The following SPOCD1 variants were observed in gnomAD, a reference collection of about 807,000 sequenced individuals.
The protein encoded by SPOCD1 is SPOC domain containing 1.
In SPOCD1, 64 loss-of-function variants were observed where a neutral mutation model predicts 92.2. That is an observed-to-expected ratio of 0.69 (90% confidence interval 0.57 to 0.86). The LOEUF is 0.86. Among genes scored for constraint, SPOCD1 ranks in the 40% least tolerant of loss-of-function variants. The pLI is 0.00. For missense variants in SPOCD1, 1,360 were observed against 1,543.1 expected, an observed-to-expected ratio of 0.88 and a Z score of 1.99; for synonymous variants, 578 against 619.3, an observed-to-expected ratio of 0.93 and a Z score of 0.99.
chr1:31,799,382 G>T lies in SPOCD1; in HGVS notation c.1868+19C>A. On this transcript the variant is annotated intron_variant, in intron 7 of 15. Transcript: ENST00000360482. ...GGGCGGCCCTTGGGATGTCAGGGGAGTGGGGAGCAAGGCCTCACCGAGTCC... is the reference window on the plus strand; with the variant it reads ...GGGCGGCCCTTGGGATGTCAGGGGATTGGGGAGCAAGGCCTCACCGAGTCC... 6.3e-7 allele frequency: 1 copy of T among 1,597,278 alleles called. No individual in the cohort carries two copies. The highest frequency in any genetic ancestry group is 1.1e-5 in the South Asian group (1 of 88,558).
intron 10 of SPOCD1, chr1:31,796,222 G>A (rs549663764): frequency 1.4e-5 from 5 of 362,032 alleles, no homozygotes; most frequent in East Asian, 7.1e-5. Context: ...GTGGGTCTTC[G>A]TTCCTTCCAT....
intron 2 of SPOCD1, among the ~76,000 whole-genome samples, chr1:31,808,416 G>GA (rs1187214574): frequency 6.6e-6 from 1 of 150,432 alleles, no homozygotes; most frequent in East Asian, 1.9e-4. Flanking sequence ...CTCAGAAATG[G>GA]AAAAAACACA....
At chr1:31,802,569 T>A (rs1238380363) in intron 2 of SPOCD1, among the ~76,000 whole-genome samples, 1 of 152,142 alleles carries the variant, frequency 6.6e-6, no homozygotes, top group Non-Finnish European at 1.5e-5. Context: ...AAAAAATAGG[T>A]TACAGAACAA....
chr1:31,814,603 G>C lies in SPOCD1; in HGVS notation c.731C>G (p.Pro244Arg). 2.6e-6 allele frequency: 4 copies of C among 1,529,066 alleles called. No homozygotes were observed. The South Asian group carries it at 5.2e-5, about 20-fold the overall frequency. The allele number at this position is 1,529,066 out of a possible 1,614,324, so 94.7% of individuals were successfully genotyped here. The change falls in exon 2 of 16, where the codon CCC (proline) becomes CGC (arginine). Residue 244 changes from proline to arginine, a missense_variant. By Grantham distance (103) the Pro-to-Arg change is moderately radical. This residue lies in a region of SPOCD1 where 606 missense variants were observed against 601.5 expected (regional missense o/e 1.01). Coordinates refer to ENST00000360482, the MANE Select transcript of SPOCD1 (RefSeq NM_144569.7). This position sits in a 1 kb window ranked among gnomAD's most constrained non-coding sequence, Gnocchi z 4.2. ...CAAGGACTCCAGGTCAGCAACTTGG[G>C]GAGGGTCTCCCACAGACAGGAGGTT... Reference protein sequence around the residue: ...GDNLLSVGDPPQVADLESLGG... With the variant: ...GDNLLSVGDPRQVADLESLGG...
chr1:31,800,063 C>T lies in SPOCD1; in HGVS notation c.1681G>A (p.Gly561Ser), dbSNP rs556187012. ...LSDPFYPPRS[G>S]SLALGDPSSD... The stretch of plus-strand genomic sequence containing the variant: ...CTGGGGTCGCCAAGGGCCAGGGAAC[C>T]GCTTCTTGGAGGGTAGAAGGGGTCA... Residue 561 changes from glycine (G) to serine (S), a missense_variant, in exon 5 of 16, where the codon GGT becomes AGT. Physicochemically the swap from Gly to Ser is moderately conservative, Grantham distance 56 (BLOSUM62 0). This residue lies in a region of SPOCD1 where 606 missense variants were observed against 601.5 expected (regional missense o/e 1.01). Transcript: ENST00000360482. The T allele has an allele frequency of 6.7e-5, 108 of 1,609,914 alleles. 1 individual carries two copies. The South Asian group carries it at 8.6e-4, about 13-fold the overall frequency.
At chr1:31,807,275 G>A (rs1648884151) in intron 2 of SPOCD1, among the ~76,000 whole-genome samples, 1 of 145,200 alleles carries the variant, frequency 6.9e-6, no homozygotes, top group African/African-American at 2.6e-5. Flanking sequence ...TGTGATCTCA[G>A]CTACTTGGGA....
intron 15 of SPOCD1, among the ~76,000 whole-genome samples, chr1:31,791,954 A>T (rs1203462639): frequency 2.0e-5 from 3 of 152,260 alleles, no homozygotes; most frequent in Non-Finnish European, 4.4e-5. Flanking sequence ...TGAGATGGAC[A>T]GTCTAGTCTA....
In SPOCD1 at chr1:31,814,265, G is replaced by A. The variant is rs571909962; in HGVS notation, c.1069C>T (p.Pro357Ser). The change falls in exon 2 of 16, where the codon CCA becomes TCA. Residue 357 changes from proline to serine, a missense_variant. Around this residue, in one of 3 missense-constraint regions of SPOCD1, gnomAD observed 606 missense variants for 601.5 expected, o/e 1.01. Transcript: ENST00000360482. This position sits in a 1 kb window ranked among gnomAD's most constrained non-coding sequence, Gnocchi z 4.2. The part of the protein sequence containing the change: ...VRTGSDEGQA[P>S]AQDQEELEAK... ...TCCAGCTCCTCCTGGTCCTGTGCTG[G>A]AGCCTGGCCTTCATCGCTGCCAGTC... 1.3e-5 allele frequency: 21 copies of A among 1,582,616 alleles called. No individual in the cohort carries two copies. Among genetic ancestry groups the A allele is most frequent in the East Asian group, 2.3e-5 (1 of 44,224 alleles).
intron 9 of SPOCD1, among the ~76,000 whole-genome samples, chr1:31,797,145 A>G (rs1648084771): frequency 6.6e-6 from 1 of 152,240 alleles, no homozygotes; most frequent in Non-Finnish European, 1.5e-5. Flanking sequence ...TTTAATTTAA[A>G]GCACTATATT....
chr1:31,799,293 G>T (rs773355284), intron 7 of SPOCD1, 108 bp downstream of exon 7: 57 of 950,884 alleles, frequency 6.0e-5, no homozygotes, highest in Non-Finnish European at 9.2e-5. Context: ...GCTACCAAAT[G>T]GGGTTAGCCA....
Position 31,790,580 on chromosome 1 carries a change from C to G in SPOCD1, c.*23G>C, listed in dbSNP as rs369249429. 332 of 1,547,642 alleles carry G rather than the reference C, an allele frequency of 2.1e-4. 1 individual carries two copies. Among genetic ancestry groups the G allele is most frequent in the Non-Finnish European group, 2.8e-4 (316 of 1,144,130 alleles). On this transcript the variant is annotated 3_prime_UTR_variant, in exon 16 of 16. Coordinates refer to ENST00000360482, the MANE Select transcript of SPOCD1 (RefSeq NM_144569.7). Reference sequence around the variant, plus strand: ...CAACACTAGTGAGGGCATCAAAACCCCTGTTCTGGTGGGTAAGGAGGGTCA... The same window carrying G: ...CAACACTAGTGAGGGCATCAAAACCGCTGTTCTGGTGGGTAAGGAGGGTCA...
intron 12 of SPOCD1, 151 bp downstream of exon 12, chr1:31,793,596 C>T (rs754988962): frequency 2.8e-5 from 42 of 1,501,936 alleles, no homozygotes; most frequent in Non-Finnish European, 3.8e-5. Flanking sequence ...TGATTAGTTC[C>T]ATTGCACAGA....
chr1:31,808,353 C>T (rs1006009650), intron 2 of SPOCD1, among the ~76,000 whole-genome samples: 15 of 150,964 alleles, frequency 9.9e-5, no homozygotes, highest in Non-Finnish European at 1.9e-4. Flanking sequence ...AAAAAAAACA[C>T]TAACTCCTTA....
intron 2 of SPOCD1, among the ~76,000 whole-genome samples, chr1:31,802,593 A>C (rs577151660): frequency 6.6e-6 from 1 of 152,350 alleles, no homozygotes; most frequent in African/African-American, 2.4e-5. Flanking sequence ...CTGTTGCATA[A>C]GCCCATTTAT....
rs558257714 is a variant in SPOCD1, at chr1:31,812,367, G to A, written c.1383+1584C>T. Among the ~76,000 whole-genome samples, 65 of 152,220 alleles carry A rather than the reference G, an allele frequency of 4.3e-4. 1 individual carries two copies. Among genetic ancestry groups the A allele is most frequent in the Admixed American group, 2.8e-3 (43 of 15,286 alleles). On this transcript the variant is annotated intron_variant, in intron 2 of 15. Coordinates refer to ENST00000360482, the MANE Select transcript of SPOCD1 (RefSeq NM_144569.7). Reference sequence around the variant, plus strand: ...TCATCCCGACAGCGCCTGTGCCTGCGACAAATACATCCATAGACAGCTATG... The same window carrying A: ...TCATCCCGACAGCGCCTGTGCCTGCAACAAATACATCCATAGACAGCTATG...
In SPOCD1 at chr1:31,798,326, G is replaced by C. The variant is rs566256359; in HGVS notation, c.2029-3C>G. 6.2e-7 allele frequency: 1 copy of C among 1,611,602 alleles called. No homozygotes were observed. The highest frequency in any genetic ancestry group is 2.2e-5 in the East Asian group (1 of 44,856). ...TGAACCACTTTGAGAAACAAGTCCTGGTGGGGGCAGGGGGCAGGGCTGCAC... is the reference window on the plus strand; with the variant it reads ...TGAACCACTTTGAGAAACAAGTCCTCGTGGGGGCAGGGGGCAGGGCTGCAC... On this transcript the variant is annotated splice_polypyrimidine_tract_variant and splice_region_variant and intron_variant, in intron 8 of 15. Coordinates refer to ENST00000360482, the MANE Select transcript of SPOCD1 (RefSeq NM_144569.7). The surrounding 1 kb of genome is among the most constrained non-coding windows in gnomAD (Gnocchi z 4.1).
At chr1:31,799,080 C>G (rs554641284) in intron 7 of SPOCD1, among the ~76,000 whole-genome samples, 7 of 152,274 alleles carry the variant, frequency 4.6e-5, no homozygotes, top group Non-Finnish European at 8.8e-5. Flanking sequence ...CAAATGACAG[C>G]TCTGGGCTCA....
At chr1:31,810,098 T>A (rs924714854) in intron 2 of SPOCD1, among the ~76,000 whole-genome samples, 1 of 152,102 alleles carries the variant, frequency 6.6e-6, no homozygotes, top group African/African-American at 2.4e-5. Context: ...CCTCTGGACA[T>A]CCACAGTCCA....
rs750494571 is a variant in SPOCD1, at chr1:31,800,074, G to T, written c.1670C>A (p.Pro557His). The T allele has an allele frequency of 3.1e-6, 5 of 1,607,644 alleles. No homozygotes were observed. The Admixed American group carries it at 8.7e-5, about 28-fold the overall frequency. The change falls in exon 5 of 16, where the codon CCT (proline) becomes CAT (histidine). Residue 557 changes from proline to histidine, a missense_variant. This residue lies in a region of SPOCD1 where 606 missense variants were observed against 601.5 expected (regional missense o/e 1.01). Coordinates refer to ENST00000360482, the MANE Select transcript of SPOCD1 (RefSeq NM_144569.7). ...AAGGGCCAGGGAACCGCTTCTTGGA[G>T]GGTAGAAGGGGTCAGAGAGGCCACC... is the stretch of plus-strand genomic sequence containing the variant. ...DPGGLSDPFY[P>H]PRSGSLALGD... is the part of the protein sequence containing the mutation.
Sources: allele counts gnomAD v4.1 joint callset (sites outside exome capture counted in the v4.1 genomes callset), GRCh38; gene constraint gnomAD v4.1.1; regional missense constraint gnomAD v4.1.1; non-coding constraint Gnocchi (gnomAD v3.1); transcripts MANE v1.5; gene names NCBI Gene and HGNC (gene_info 2026-07-23, HGNC 2026-07-21).